PALM2AKAP2: variants seen among roughly 807,000 people sequenced by gnomAD.
PALM2AKAP2 encodes PALM2-AKAP2 fusion protein.
A neutral mutation model predicts 71.5 loss-of-function variants in PALM2AKAP2; 37 were observed. The observed-to-expected ratio is 0.52, with a 90% CI of 0.40 to 0.68. The LOEUF (loss-of-function observed/expected upper bound fraction) is 0.68. PALM2AKAP2 is among the 30% of genes least tolerant of loss of function. The pLI is 0.00. For synonymous variants in PALM2AKAP2, 468 were observed against 478.8 expected (o/e 0.98, Z 0.29); for missense variants, 1,224 against 1,191.8 (o/e 1.03, Z -0.40).
At chr9:109,670,345 C>T (rs1176371180) in intron 1 of PALM2AKAP2, among the ~76,000 whole-genome samples, 1 of 152,096 alleles carries the variant, frequency 6.6e-6, no homozygotes, top group Non-Finnish European at 1.5e-5. Flanking sequence ...ATTTAGCTCC[C>T]ACTTATAAAT....
In PALM2AKAP2 at chr9:109,656,838, G is replaced by A. The variant is rs117400859; in HGVS notation, c.5+15972G>A. Among the ~76,000 whole-genome samples, 7 of 152,318 alleles carry A rather than the reference G, an allele frequency of 4.6e-5. 1 individual carries two copies. The East Asian group carries it at 9.6e-4, about 21-fold the overall frequency. On this transcript the variant is annotated intron_variant, in intron 1 of 6. Coordinates refer to the PALM2AKAP2 transcript ENST00000374531. ...TGGTACTGCTAATGATGGCATAATAGACAAACACACTGTGATATTGATGAG... is the reference window on the plus strand; with the variant it reads ...TGGTACTGCTAATGATGGCATAATAAACAAACACACTGTGATATTGATGAG...
intron 1 of PALM2AKAP2, among the ~76,000 whole-genome samples, chr9:109,762,291 A>C (rs1009127773): frequency 2.0e-5 from 3 of 152,122 alleles, no homozygotes; most frequent in Non-Finnish European, 4.4e-5. Context: ...TTATGTCTCC[A>C]AAATGGCTCC....
At chr9:109,735,911 C>T (rs749649517) in intron 1 of PALM2AKAP2, among the ~76,000 whole-genome samples, 7 of 152,226 alleles carry the variant, frequency 4.6e-5, no homozygotes, top group African/African-American at 9.6e-5. Context: ...GACAGGCCAT[C>T]TCTCTCGTTC....
chr9:109,644,460 C>A (rs1827118713), intron 1 of PALM2AKAP2, among the ~76,000 whole-genome samples: 1 of 152,142 alleles, frequency 6.6e-6, no homozygotes. Context: ...ATTTAACCAA[C>A]AAACGTTTGT....
chr9:109,840,533 C>A (rs1038485572), intron 1 of PALM2AKAP2, among the ~76,000 whole-genome samples: 19 of 152,202 alleles, frequency 1.2e-4, no homozygotes, highest in Non-Finnish European at 1.8e-4. Flanking sequence ...TAATTAAACT[C>A]AAGAGCTTCT....
chr9:109,766,133 C>T (rs1829149543), intron 1 of PALM2AKAP2, among the ~76,000 whole-genome samples: 1 of 152,212 alleles, frequency 6.6e-6, no homozygotes, highest in Non-Finnish European at 1.5e-5. Context: ...TCGGAAAGCA[C>T]TTAAGGACAT....
intron 7 of PALM2AKAP2, among the ~76,000 whole-genome samples, chr9:110,036,273 CT>C (rs892611208): frequency 2.6e-5 from 4 of 152,202 alleles, no homozygotes; most frequent in African/African-American, 9.6e-5. Flanking sequence ...CCTAGAAACC[CT>C]GATCAAGTGG....
chr9:109,861,174 A>G (rs1451937314), intron 1 of PALM2AKAP2, among the ~76,000 whole-genome samples: 1 of 152,180 alleles, frequency 6.6e-6, no homozygotes, highest in Admixed American at 6.5e-5. Context: ...TTCCCTGCTT[A>G]GCCTCTTTCC....
chr9:110,156,815 A>G (rs910077924), intron 3 of PALM2AKAP2, among the ~76,000 whole-genome samples: 1 of 152,194 alleles, frequency 6.6e-6, no homozygotes, highest in Non-Finnish European at 1.5e-5. Flanking sequence ...GAAGGTTGCA[A>G]GTGCCCTGAA....
intron 1 of PALM2AKAP2, among the ~76,000 whole-genome samples, chr9:110,112,361 T>A (rs1835271523): frequency 6.6e-6 from 1 of 152,190 alleles, no homozygotes; most frequent in Non-Finnish European, 1.5e-5. Context: ...TTGTTTTGTG[T>A]CTTTGGGCAA....
intron 6 of PALM2AKAP2, chr9:109,943,310 C>A: frequency 6.2e-7 from 1 of 1,614,188 alleles, no homozygotes; most frequent in Non-Finnish European, 8.5e-7. Flanking sequence ...TCCGGGAGGC[C>A]GGTCTCAGAC....
intron 1 of PALM2AKAP2, among the ~76,000 whole-genome samples, chr9:109,642,803 C>T (rs12003477): frequency 0.21 from 31,267 of 150,488 alleles, 3,316 homozygotes; most frequent in Middle Eastern, 0.27. Context: ...CCTCCTGCCC[C>T]GGTCTTGCTG....
chr9:109,752,790 G>C (rs1587894611), intron 1 of PALM2AKAP2, among the ~76,000 whole-genome samples: 6 of 152,270 alleles, frequency 3.9e-5, no homozygotes, highest in Admixed American at 3.9e-4. Flanking sequence ...CGATGCAACA[G>C]ATGGACTGGG....
chr9:110,091,722 A>G (rs1350260502), intron 1 of PALM2AKAP2, among the ~76,000 whole-genome samples: 1 of 152,018 alleles, frequency 6.6e-6, no homozygotes, highest in Non-Finnish European at 1.5e-5. Flanking sequence ...TTGGCCTCCC[A>G]AAGTGCCGGG....
chr9:109,957,535 A>G (rs966160737), intron 6 of PALM2AKAP2, among the ~76,000 whole-genome samples: 1 of 152,194 alleles, frequency 6.6e-6, no homozygotes, highest in African/African-American at 2.4e-5. Context: ...GCTCAGCTTC[A>G]CTTTTCTCTT....
rs141207461 is a variant in PALM2AKAP2, at chr9:109,750,107, C to A, written c.6-30381C>A. 4.2e-3 allele frequency among the ~76,000 whole-genome samples: 645 copies of A among 152,190 alleles called. 31 individuals carry two copies. Among genetic ancestry groups the A allele is most frequent in the Admixed American group, 0.04 (604 of 15,274 alleles). Reference sequence around the variant, plus strand: ...ACCCCTGGATGGTTATAGTTAAGGACAGAAAGACAAGGAGTGAAAGAAACT... The same window carrying A: ...ACCCCTGGATGGTTATAGTTAAGGAAAGAAAGACAAGGAGTGAAAGAAACT... On this transcript the variant is annotated intron_variant, in intron 1 of 6. Coordinates refer to the PALM2AKAP2 transcript ENST00000374531.
intron 6 of PALM2AKAP2, among the ~76,000 whole-genome samples, chr9:109,958,015 CAATTCACCA>C (rs964199002): frequency 2.4e-4 from 36 of 152,292 alleles, no homozygotes; most frequent in Non-Finnish European, 4.3e-4. Flanking sequence ...CAATTAATTT[CAATTCACCA>C]AGCCTCAGTT....
intron 1 of PALM2AKAP2, among the ~76,000 whole-genome samples, chr9:110,054,572 A>G (rs1240614948): frequency 6.6e-6 from 1 of 152,098 alleles, no homozygotes; most frequent in African/African-American, 2.4e-5. Flanking sequence ...TAAATTAATT[A>G]TTTTTATTAT....
rs566120013 is a variant in PALM2AKAP2, at chr9:109,640,795, C to A, written c.-67C>A. 13 of 1,494,238 alleles carry A rather than the reference C, an allele frequency of 8.7e-6. No homozygotes were observed. In the East Asian group the frequency reaches 3.0e-4, roughly 34 times the overall value. 92.6% of individuals were successfully genotyped at this position (1,494,238 alleles called of 1,614,324 possible). A position where few individuals can be genotyped will look rare whatever the true frequency, so the allele number is the denominator to read the frequency against. On this transcript the variant is annotated 5_prime_UTR_variant, in exon 1 of 7. Coordinates refer to the PALM2AKAP2 transcript ENST00000374531. ...TCGCGCGCGGCGCGGCCAGTGCACT[C>A]GGCTCCGGGAGAGGCGAGCAGCGCC...
Sources: gnomAD v4.1 joint callset for allele counts (sites outside exome capture counted in the v4.1 genomes callset) on GRCh38, gnomAD v4.1.1 for gene constraint, MANE v1.5 for transcripts, NCBI Gene and HGNC (gene_info 2026-07-23, HGNC 2026-07-21) for gene names.